SLC4A1AP: variants seen among roughly 807,000 people sequenced by gnomAD.
SLC4A1AP encodes kanadaptin.
A neutral mutation model predicts 89.7 loss-of-function variants in SLC4A1AP; 64 were observed. The observed-to-expected ratio is 0.71, with a 90% CI of 0.58 to 0.88. SLC4A1AP has a LOEUF of 0.88. Among genes scored for constraint, SLC4A1AP ranks in the 40% least tolerant of loss-of-function variants. The pLI, the probability that SLC4A1AP is intolerant of heterozygous loss-of-function variation, is 0.00. For synonymous variants in SLC4A1AP, 366 were observed against 353.3 expected, an observed-to-expected ratio of 1.04 and a Z score of -0.40; for missense variants, 931 against 965.0, an observed-to-expected ratio of 0.96 and a Z score of 0.47.
intron 1 of SLC4A1AP, among the ~76,000 whole-genome samples, chr2:27,664,851 T>G (rs1291311269): frequency 6.6e-6 from 1 of 151,936 alleles, no homozygotes; most frequent in Non-Finnish European, 1.5e-5. Context: ...GAGGATCGCT[T>G]TAGCCCAGGA....
intron 3 of SLC4A1AP, 130 bp from the exon 4 acceptor site, chr2:27,668,713 G>C (rs1302768033): frequency 3.5e-6 from 3 of 851,378 alleles, no homozygotes; most frequent in Non-Finnish European, 5.9e-6. Context: ...GCCTCCCAAA[G>C]TGTTAGGATT....
At chr2:27,689,942 AGT>A in intron 12 of SLC4A1AP, among the ~76,000 whole-genome samples, 1 of 152,356 alleles carries the variant, frequency 6.6e-6, no homozygotes, top group Admixed American at 6.5e-5. Flanking sequence ...TCACACCTGC[AGT>A]GTGTTAACTG....
Position 27,665,138 on chromosome 2 carries a change from AG to A in SLC4A1AP, c.865del (p.Val289Ter). 1 of 1,613,786 alleles carries A rather than the reference AG, an allele frequency of 6.2e-7. No individual in the cohort carries two copies. The highest frequency in any genetic ancestry group is 8.5e-7 in the Non-Finnish European group (1 of 1,179,858). The stretch of plus-strand genomic sequence containing the variant: ...ACCGAGAGGCAGAATCCGAGTTAAC[AG>A]TAACACAGTTGAAGGAATTGCGCAA... On this transcript the variant is annotated frameshift_variant, in exon 2 of 14. Coordinates refer to ENST00000613058, the Ensembl canonical transcript of SLC4A1AP. LOFTEE classifies it high-confidence loss of function.
chr2:27,694,648 G>A lies in SLC4A1AP; in HGVS notation c.2356G>A (p.Gly786Ser), dbSNP rs1482427071. The A allele has an allele frequency of 1.9e-6, 3 of 1,583,826 alleles. No individual in the cohort carries two copies. In the South Asian group the frequency reaches 3.4e-5, roughly 18 times the overall value. ...TTCTGATCTAGGTCAAAGTGGAGATGGCAGAACCCATCTTAATGACAAGTA... is the reference window on the plus strand; with the variant it reads ...TTCTGATCTAGGTCAAAGTGGAGATAGCAGAACCCATCTTAATGACAAGTA... Residue 786 changes from glycine to serine, a missense_variant, in exon 14 of 14, where the codon GGC becomes AGC. Coordinates refer to ENST00000613058, the Ensembl canonical transcript of SLC4A1AP.
exon 4 of SLC4A1AP, chr2:27,668,890 C>G (rs1350278752): frequency 6.2e-7 from 1 of 1,614,020 alleles, no homozygotes; most frequent in South Asian, 1.1e-5. Context: ...TAGCACTTGG[C>G]TCTGCAGGGT....
chr2:27,669,181 C>G, intron 4 of SLC4A1AP, 67 bp from the exon 5 acceptor site: 3 of 1,477,714 alleles, frequency 2.0e-6, no homozygotes, highest in Non-Finnish European at 2.7e-6. Flanking sequence ...ATTATCATAG[C>G]ATAGTAGTTG....
intron 3 of SLC4A1AP, 62 bp downstream of exon 3, chr2:27,667,452 G>A (rs1675348542): frequency 4.7e-6 from 7 of 1,478,642 alleles, no homozygotes; most frequent in South Asian, 4.2e-5. Flanking sequence ...GTTTTCTAGA[G>A]CTTCATGTTG....
Position 27,664,427 on chromosome 2 carries a change from C to CA in SLC4A1AP, c.676dup (p.Ser226LysfsTer89), listed in dbSNP as rs747157484. On this transcript the variant is annotated frameshift_variant, in exon 1 of 14. Coordinates refer to ENST00000613058, the Ensembl canonical transcript of SLC4A1AP. LOFTEE classifies it high-confidence loss of function. Reference sequence around the variant, plus strand: ...CGTCCGGCCCTGACGGAGAATGCGACAGCAACGGGCCGGGCTTCTACCTCT... The same window carrying CA: ...CGTCCGGCCCTGACGGAGAATGCGACAAGCAACGGGCCGGGCTTCTACCTCT... 6.2e-7 allele frequency: 1 copy of CA among 1,614,226 alleles called. No individual in the cohort carries two copies. The highest frequency in any genetic ancestry group is 2.2e-5 in the East Asian group (1 of 44,878).
intron 10 of SLC4A1AP, among the ~76,000 whole-genome samples, chr2:27,687,050 C>T (rs2148139759): frequency 6.6e-6 from 1 of 152,246 alleles, no homozygotes; most frequent in Middle Eastern, 3.4e-3. Context: ...GCAATCCTCT[C>T]ACCTCAGCCT....
chr2:27,674,990 C>T (rs1175714739), intron 5 of SLC4A1AP, among the ~76,000 whole-genome samples: 2 of 152,106 alleles, frequency 1.3e-5, no homozygotes, highest in Admixed American at 6.5e-5. Flanking sequence ...CCATGCCTGG[C>T]CATCCTCATT....
intron 5 of SLC4A1AP, among the ~76,000 whole-genome samples, chr2:27,674,517 T>C (rs1675481790): frequency 6.6e-6 from 1 of 152,110 alleles, no homozygotes; most frequent in Non-Finnish European, 1.5e-5. Flanking sequence ...CACCAATTAT[T>C]AATCTTTTTA....
At chr2:27,694,393 A>C (rs1184499668) in intron 13 of SLC4A1AP, among the ~76,000 whole-genome samples, 1 of 152,150 alleles carries the variant, frequency 6.6e-6, no homozygotes, top group East Asian at 1.9e-4. Flanking sequence ...TGAGATTTCT[A>C]ATATATTAGT....
rs1486513372 is a variant in SLC4A1AP at position 27,665,193 on chromosome 2, A to G, written c.919A>G (p.Met307Val). ...GCAGCAAATATTGTTGGAGAAGAAG[A>G]TGCTAGGAGAAGACTCAGATGAAGA... Residue 307 changes from methionine (M) to valine (V), a missense_variant, in exon 2 of 14, where the codon ATG (methionine) becomes GTG (valine). Physicochemically the swap from Met to Val is conservative, Grantham distance 21. Transcript: ENST00000613058. 3.7e-6 allele frequency: 6 copies of G among 1,613,870 alleles called. No homozygotes were observed. The East Asian group carries it at 1.3e-4, about 36-fold the overall frequency.
chr2:27,688,823 C>A, intron 12 of SLC4A1AP, 56 bp downstream of exon 12: 1 of 1,311,238 alleles, frequency 7.6e-7, no homozygotes, highest in Admixed American at 2.2e-5. Flanking sequence ...TGGACCACAT[C>A]CAGAAAAGTG....
chr2:27,687,873 T>A, intron 10 of SLC4A1AP, 61 bp from the exon 11 acceptor site: 1 of 1,333,460 alleles, frequency 7.5e-7, no homozygotes, highest in South Asian at 1.2e-5. Flanking sequence ...TTGTTTTTGT[T>A]TGTTTGGCTT....
intron 5 of SLC4A1AP, among the ~76,000 whole-genome samples, chr2:27,674,528 T>G (rs180961268): frequency 1.8e-4 from 27 of 152,316 alleles, no homozygotes; most frequent in Non-Finnish European, 1.3e-4. Flanking sequence ...AATCTTTTTA[T>G]GTTTTTCTAG....
intron 10 of SLC4A1AP, among the ~76,000 whole-genome samples, chr2:27,686,112 T>C (rs987774481): frequency 1.1e-4 from 16 of 152,176 alleles, no homozygotes; most frequent in Non-Finnish European, 1.9e-4. Flanking sequence ...CAATAAAAAC[T>C]GGCACTGAAT....
intron 3 of SLC4A1AP, among the ~76,000 whole-genome samples, chr2:27,667,684 T>G (rs779494881): frequency 2.6e-5 from 4 of 152,088 alleles, no homozygotes; most frequent in African/African-American, 7.2e-5. Flanking sequence ...TGGACTTTGG[T>G]GGTGGGGAAA....
chr2:27,682,604 A>C (rs1675639272), intron 9 of SLC4A1AP, among the ~76,000 whole-genome samples: 1 of 147,924 alleles, frequency 6.8e-6, no homozygotes, highest in Non-Finnish European at 1.5e-5. Flanking sequence ...GGCTGACTGC[A>C]ACTTCCGCCT....
Sources: gnomAD v4.1 joint callset for allele counts (sites outside exome capture counted in the v4.1 genomes callset) on GRCh38, gnomAD v4.1.1 for gene constraint, MANE v1.5 for transcripts, NCBI Gene and HGNC (gene_info 2026-07-23, HGNC 2026-07-21) for gene names.